LRRC8D: variants seen among roughly 807,000 people sequenced by gnomAD.
The protein encoded by LRRC8D is volume-regulated anion channel subunit LRRC8D.
Under a neutral mutation model 55.8 loss-of-function variants are expected in LRRC8D, and 20 were observed. The observed-to-expected ratio is 0.36, with a 90% CI of 0.25 to 0.52. The LOEUF (loss-of-function observed/expected upper bound fraction) is 0.52, where lower values mean the gene tolerates loss of function less well. Among genes scored for constraint, LRRC8D ranks in the 20% least tolerant of loss-of-function variants. The pLI, the probability that LRRC8D is intolerant of heterozygous loss-of-function variation, is 0.93. For synonymous variants in LRRC8D, 352 were observed against 377.0 expected (o/e 0.93, Z 0.77); for missense variants, 651 against 1,030.8 (o/e 0.63, Z 5.05).
chr1:89,933,001 G>A lies in LRRC8D; in HGVS notation c.-2-66G>A. On this transcript the variant is annotated intron_variant, in intron 2 of 2. Transcript: ENST00000337338. The surrounding 1 kb of genome is among the most constrained non-coding windows in gnomAD (Gnocchi z 7.0). ...AACTTTAGTTAGGAGCAGGCATAGG[G>A]TTTTTCTCATTTACTCTTTTCATTT... The A allele has an allele frequency of 6.9e-7, 1 of 1,441,330 alleles. No homozygotes were observed. The highest frequency in any genetic ancestry group is 9.5e-7 in the Non-Finnish European group (1 of 1,055,064). 89.3% of individuals were successfully genotyped at this position (1,441,330 alleles called of 1,614,324 possible).
At chr1:89,880,977 A>G (rs932840293) in intron 2 of LRRC8D, among the ~76,000 whole-genome samples, 3 of 152,214 alleles carry the variant, frequency 2.0e-5, no homozygotes, top group Non-Finnish European at 4.4e-5. Context: ...TGTATTTTGC[A>G]TTAAACACTT....
intron 1 of LRRC8D, among the ~76,000 whole-genome samples, chr1:89,838,471 A>G (rs1473155429): frequency 6.6e-6 from 1 of 152,232 alleles, no homozygotes; most frequent in East Asian, 1.9e-4. Context: ...AACAGACAAA[A>G]CATGCTTTCC....
chr1:89,828,135 G>GAAA (rs1557439196), intron 1 of LRRC8D, among the ~76,000 whole-genome samples: 2 of 152,182 alleles, frequency 1.3e-5, no homozygotes, highest in African/African-American at 2.4e-5. Flanking sequence ...AAATGGGTTT[G>GAAA]AAACATTTGT....
At chr1:89,881,328 G>A (rs1348274340) in intron 2 of LRRC8D, among the ~76,000 whole-genome samples, 10 of 152,112 alleles carry the variant, frequency 6.6e-5, no homozygotes, top group Middle Eastern at 3.2e-3. Flanking sequence ...CTGAGGGTGG[G>A]GAGGAGATTT....
intron 2 of LRRC8D, among the ~76,000 whole-genome samples, chr1:89,847,334 G>A (rs1661305598): frequency 6.6e-6 from 1 of 152,122 alleles, no homozygotes; most frequent in Admixed American, 6.6e-5. Flanking sequence ...GTAAAACTGT[G>A]GTCAAAACCC....
intron 2 of LRRC8D, among the ~76,000 whole-genome samples, chr1:89,852,940 T>C (rs1165681333): frequency 1.3e-5 from 2 of 152,218 alleles, no homozygotes. Context: ...ATGCATTTCA[T>C]TTCTGAAAGT....
chr1:89,860,786 ATATAT>A lies in LRRC8D; in HGVS notation c.-3+17005_-3+17009del, dbSNP rs1356749185. On this transcript the variant is annotated intron_variant, in intron 2 of 2. Coordinates refer to ENST00000337338, the MANE Select transcript of LRRC8D (RefSeq NM_001134479.2). Reference sequence around the variant, plus strand: ...AAAAAAAAAAAAAAAAAAAAAAAAAATATATATATATATATATATATATACACACA... The same window carrying A: ...AAAAAAAAAAAAAAAAAAAAAAAAAAATATATATATATATATATACACACA... Among the ~76,000 whole-genome samples the A allele has an allele frequency of 6.0e-3, 126 of 21,088 alleles. 2 individuals are homozygous for A. The highest frequency in any genetic ancestry group is 0.011 in the Non-Finnish European group (104 of 9,710). The allele number at this position is 21,088 out of a possible 152,430, so 13.8% of individuals were successfully genotyped here.
In LRRC8D at chr1:89,870,345, A is replaced by G. The variant is rs1661974279; in HGVS notation, c.-3+26563A>G. 2.7e-5 allele frequency among the ~76,000 whole-genome samples: 4 copies of G among 149,482 alleles called. No homozygotes were observed. In the South Asian group the frequency reaches 8.6e-4, roughly 32 times the overall value. Reference sequence around the variant, plus strand: ...CAAAAAATTAGCTAGACGTGGTGGCACGTGCCTGTAGTCCCAGCTACACGG... The same window carrying G: ...CAAAAAATTAGCTAGACGTGGTGGCGCGTGCCTGTAGTCCCAGCTACACGG... On this transcript the variant is annotated intron_variant, in intron 2 of 2. Coordinates refer to ENST00000337338, the MANE Select transcript of LRRC8D (RefSeq NM_001134479.2).
chr1:89,932,399 C>A (rs2100999239), intron 2 of LRRC8D, among the ~76,000 whole-genome samples: 1 of 152,306 alleles, frequency 6.6e-6, no homozygotes, highest in South Asian at 2.1e-4. Flanking sequence ...AAGACTCCTC[C>A]TAAACGCTAG....
intron 1 of LRRC8D, among the ~76,000 whole-genome samples, chr1:89,823,950 G>T (rs1660703395): frequency 6.6e-6 from 1 of 152,188 alleles, no homozygotes; most frequent in Admixed American, 6.5e-5. Flanking sequence ...AACCTAGTTC[G>T]TGAAAAACTT....
At chr1:89,837,050 T>C (rs1661019476) in intron 1 of LRRC8D, among the ~76,000 whole-genome samples, 1 of 152,232 alleles carries the variant, frequency 6.6e-6, no homozygotes, top group African/African-American at 2.4e-5. Flanking sequence ...TTTAGGATCC[T>C]GATTTCACAG....
intron 2 of LRRC8D, among the ~76,000 whole-genome samples, chr1:89,883,369 T>C (rs896902573): frequency 4.6e-5 from 7 of 152,100 alleles, no homozygotes; most frequent in African/African-American, 1.7e-4. Context: ...CTGATCTTCG[T>C]TGGATTAAAA....
chr1:89,873,461 C>G (rs1206498204), intron 2 of LRRC8D, among the ~76,000 whole-genome samples: 1 of 152,096 alleles, frequency 6.6e-6, no homozygotes, highest in African/African-American at 2.4e-5. Context: ...CAGCAAATGA[C>G]TAGGTGGATG....
intron 2 of LRRC8D, among the ~76,000 whole-genome samples, chr1:89,846,917 A>G (rs1661296081): frequency 6.6e-6 from 1 of 152,202 alleles, no homozygotes. Flanking sequence ...TTTATATCCC[A>G]GAAAATTAAT....
chr1:89,920,052 G>A (rs963074011), intron 2 of LRRC8D, among the ~76,000 whole-genome samples: 3 of 152,058 alleles, frequency 2.0e-5, no homozygotes, highest in Non-Finnish European at 1.5e-5. Context: ...CTTTTTTATT[G>A]TTCTGTGAAT....
At chr1:89,850,220 T>G (rs1431519307) in intron 2 of LRRC8D, among the ~76,000 whole-genome samples, 2 of 152,208 alleles carry the variant, frequency 1.3e-5, no homozygotes, top group Admixed American at 6.5e-5. Flanking sequence ...AGATCTCTAT[T>G]TGGTTCCAGT....
intron 2 of LRRC8D, among the ~76,000 whole-genome samples, chr1:89,879,465 A>G (rs17130912): frequency 0.031 from 4,791 of 152,272 alleles, 259 homozygotes; most frequent in African/African-American, 0.11. Context: ...ATTCTGGTAG[A>G]GATGTTGAAA....
intron 2 of LRRC8D, among the ~76,000 whole-genome samples, chr1:89,898,358 G>A (rs578207640): frequency 1.3e-5 from 2 of 152,338 alleles, no homozygotes; most frequent in East Asian, 3.9e-4. Flanking sequence ...GGGAAGGAAA[G>A]CGTTATTCAT....
At chr1:89,841,401 C>CCT (rs1430548904) in intron 1 of LRRC8D, among the ~76,000 whole-genome samples, 2 of 151,190 alleles carry the variant, frequency 1.3e-5, no homozygotes, top group Non-Finnish European at 3.0e-5. Context: ...AGACCACCCC[C>CCT]CCCCTTTTTT....
Sources: gnomAD v4.1 joint callset for allele counts (sites outside exome capture counted in the v4.1 genomes callset) on GRCh38, gnomAD v4.1.1 for gene constraint, Gnocchi (gnomAD v3.1) non-coding constraint, MANE v1.5 for transcripts, NCBI Gene and HGNC (gene_info 2026-07-23, HGNC 2026-07-21) for gene names.